NFIA: variants seen among roughly 807,000 people sequenced by gnomAD.
The protein encoded by NFIA is nuclear factor 1 A-type.
A neutral mutation model predicts 62.8 loss-of-function variants in NFIA; 8 were observed. That is an observed-to-expected ratio of 0.13 (90% CI 0.07 to 0.23). NFIA has a LOEUF of 0.23. Among genes scored for constraint, NFIA ranks in the 10% least tolerant of loss-of-function variants. The pLI is 1.00. For missense variants in NFIA, 410 were observed against 642.1 expected, an observed-to-expected ratio of 0.64 and a Z score of 3.91; for synonymous variants, 235 against 238.1, an observed-to-expected ratio of 0.99 and a Z score of 0.12.
At chr1:61,381,265 G>A (rs1664401108) in intron 6 of NFIA, among the ~76,000 whole-genome samples, 1 of 152,046 alleles carries the variant, frequency 6.6e-6, no homozygotes, top group African/African-American at 2.4e-5. Flanking sequence ...AAATGAGTTG[G>A]GAGATTTGTT....
At chr1:61,352,788 C>T (rs1662624416) in intron 5 of NFIA, among the ~76,000 whole-genome samples, 1 of 151,712 alleles carries the variant, frequency 6.6e-6, no homozygotes, top group African/African-American at 2.4e-5. Flanking sequence ...CACACACGCA[C>T]ACACACTAAA....
chr1:61,427,137 T>C (rs1196416218), intron 10 of NFIA, among the ~76,000 whole-genome samples: 2 of 152,138 alleles, frequency 1.3e-5, no homozygotes, highest in Non-Finnish European at 2.9e-5. Context: ...ATGAGTCATA[T>C]CTGAAGCAGG....
chr1:61,368,325 G>A (rs970006150), intron 6 of NFIA, among the ~76,000 whole-genome samples: 5 of 152,122 alleles, frequency 3.3e-5, no homozygotes, highest in African/African-American at 4.8e-5. Flanking sequence ...TGGCTTGGGT[G>A]GAGCATACTG....
intron 3 of NFIA, among the ~76,000 whole-genome samples, chr1:61,324,044 C>T (rs961561915): frequency 6.6e-6 from 1 of 152,150 alleles, no homozygotes; most frequent in African/African-American, 2.4e-5. Context: ...CTAAAATGTT[C>T]TGTGTTGGGG....
intron 2 of NFIA, among the ~76,000 whole-genome samples, chr1:61,183,456 G>C (rs888507514): frequency 6.6e-6 from 1 of 152,172 alleles, no homozygotes; most frequent in African/African-American, 2.4e-5. Flanking sequence ...TTTTCGTCTT[G>C]CGTTAACTGT....
intron 2 of NFIA, among the ~76,000 whole-genome samples, chr1:61,225,305 C>T (rs1359182594): frequency 2.6e-5 from 4 of 151,530 alleles, no homozygotes; most frequent in African/African-American, 9.7e-5. Context: ...GGCTGGAGTG[C>T]AGTGGCCCAA....
intron 2 of NFIA, among the ~76,000 whole-genome samples, chr1:61,272,108 T>C (rs1329151081): frequency 6.6e-6 from 1 of 152,272 alleles, no homozygotes; most frequent in African/African-American, 2.4e-5. Flanking sequence ...TTGCATATTT[T>C]CGGTGGTCCG....
chr1:61,150,240 C>A (rs988132383), intron 2 of NFIA, among the ~76,000 whole-genome samples: 1 of 152,192 alleles, frequency 6.6e-6, no homozygotes, highest in Admixed American at 6.5e-5. Context: ...CCCTTTAGAT[C>A]AATGTGTCGC....
chr1:61,413,828 A>C (rs944180471), intron 9 of NFIA, among the ~76,000 whole-genome samples: 1 of 151,556 alleles, frequency 6.6e-6, no homozygotes, highest in Non-Finnish European at 1.5e-5. Flanking sequence ...GGGTTTCGCC[A>C]TATTGGCCAG....
Position 61,312,345 on chromosome 1 carries a change from C to T in NFIA, c.626-20167C>T, listed in dbSNP as rs1191154098. Among the ~76,000 whole-genome samples, 4 of 152,180 alleles carry T rather than the reference C, an allele frequency of 2.6e-5. No homozygotes were observed. The East Asian group carries it at 7.7e-4, about 29-fold the overall frequency. The stretch of plus-strand genomic sequence containing the variant: ...TGCCCAAGGGGCCCTCAGGTAAAAA[C>T]ACAGATAACAACATTGCTCCAGGGT... On this transcript the variant is annotated intron_variant, in intron 3 of 10. Coordinates refer to ENST00000403491, the MANE Select transcript of NFIA (RefSeq NM_001134673.4).
chr1:61,426,943 C>G (rs1666896604), intron 10 of NFIA, among the ~76,000 whole-genome samples: 1 of 152,086 alleles, frequency 6.6e-6, no homozygotes, highest in Non-Finnish European at 1.5e-5. Context: ...ATGGAGGGAC[C>G]AGCCACTCCT....
At chr1:61,454,723 C>G (rs1668224989) in intron 10 of NFIA, among the ~76,000 whole-genome samples, 1 of 152,176 alleles carries the variant, frequency 6.6e-6, no homozygotes, top group Non-Finnish European at 1.5e-5. Flanking sequence ...GGGTCCAGCA[C>G]TTTTTCCACC....
At chr1:61,125,085 A>C (rs1482177732) in intron 2 of NFIA, 1 of 152,214 alleles carries the variant, frequency 6.6e-6, no homozygotes, top group Non-Finnish European at 1.5e-5. Context: ...TTATTAAAAT[A>C]ATTTGTAAGT....
At chr1:61,308,987 T>C (rs1659947002) in intron 3 of NFIA, among the ~76,000 whole-genome samples, 2 of 152,200 alleles carry the variant, frequency 1.3e-5, no homozygotes, top group South Asian at 4.1e-4. Flanking sequence ...CATCATTTAG[T>C]AACCTACACT....
chr1:61,300,996 G>C (rs550881804), intron 3 of NFIA, among the ~76,000 whole-genome samples: 1 of 152,200 alleles, frequency 6.6e-6, no homozygotes, highest in African/African-American at 2.4e-5. Context: ...ATATAAGTTT[G>C]ATTCTGAGTT....
At chr1:61,275,113 G>T (rs573972500) in intron 2 of NFIA, among the ~76,000 whole-genome samples, 1 of 152,162 alleles carries the variant, frequency 6.6e-6, no homozygotes, top group Non-Finnish European at 1.5e-5. Flanking sequence ...TCCGTTTTCA[G>T]TTTGGCTGGA....
chr1:61,138,275 T>C (rs1246300800), intron 2 of NFIA, among the ~76,000 whole-genome samples: 1 of 152,084 alleles, frequency 6.6e-6, no homozygotes, highest in Non-Finnish European at 1.5e-5. Context: ...TTTGTATTTT[T>C]TGTAAAGATA....
At chr1:61,431,232 A>G (rs577123007) in intron 10 of NFIA, among the ~76,000 whole-genome samples, 1 of 152,352 alleles carries the variant, frequency 6.6e-6, no homozygotes, top group South Asian at 2.1e-4. Flanking sequence ...GTTTACTTAA[A>G]GAAAAAAAAG....
At chr1:61,325,491 G>A (rs958956911) in intron 3 of NFIA, among the ~76,000 whole-genome samples, 3 of 152,210 alleles carry the variant, frequency 2.0e-5, no homozygotes, top group Admixed American at 6.5e-5. Flanking sequence ...AATTGGTAAA[G>A]GAACAAGAGC....
Sources: allele counts gnomAD v4.1 joint callset (sites outside exome capture counted in the v4.1 genomes callset), GRCh38; gene constraint gnomAD v4.1.1; transcripts MANE v1.5; gene names NCBI Gene and HGNC (gene_info 2026-07-23, HGNC 2026-07-21).